COG5: variants seen among roughly 807,000 people sequenced by gnomAD.
COG5 encodes the protein component of oligomeric golgi complex 5.
In COG5, 86 loss-of-function variants were observed where a neutral mutation model predicts 110.4. The ratio of observed to expected loss-of-function variants is 0.78; its 90% CI spans 0.65 to 0.93. COG5 has a LOEUF of 0.93. Ranked by LOEUF, COG5 falls within the 40% of genes least tolerant of loss-of-function variation. The pLI, the probability that COG5 is intolerant of heterozygous loss-of-function variation, is 0.00. For synonymous variants in COG5, 360 were observed against 334.6 expected, an observed-to-expected ratio of 1.08 and a Z score of -0.83; for missense variants, 1,077 against 987.0, an observed-to-expected ratio of 1.09 and a Z score of -1.22.
At chr7:107,440,885 T>C (rs1794665213) in intron 6 of COG5, among the ~76,000 whole-genome samples, 1 of 152,152 alleles carries the variant, frequency 6.6e-6, no homozygotes, top group African/African-American at 2.4e-5. Flanking sequence ...TTGTATCCTT[T>C]ATTTTAAAAC....
chr7:107,507,874 C>G (rs112021638), intron 6 of COG5, among the ~76,000 whole-genome samples: 1 of 152,066 alleles, frequency 6.6e-6, no homozygotes, highest in Admixed American at 6.5e-5. Context: ...GCTTCTATGA[C>G]GTATTTGGTT....
At chr7:107,244,546 G>GA (rs1169959422) in intron 17 of COG5, among the ~76,000 whole-genome samples, 1 of 151,302 alleles carries the variant, frequency 6.6e-6, no homozygotes, top group Non-Finnish European at 1.5e-5. Context: ...TAGGCTTTTT[G>GA]AAAAAAATTA....
At chr7:107,375,083 T>A (rs1814514964) in intron 7 of COG5, among the ~76,000 whole-genome samples, 1 of 152,034 alleles carries the variant, frequency 6.6e-6, no homozygotes. Flanking sequence ...ACCAAAAATT[T>A]ATTCTGTTTT....
At chr7:107,377,832 G>A (rs1170286969) in intron 7 of COG5, among the ~76,000 whole-genome samples, 1 of 152,176 alleles carries the variant, frequency 6.6e-6, no homozygotes. Flanking sequence ...ATCTCCCTGG[G>A]ACAGAGCACC....
At chr7:107,330,212 A>T (rs1027584114) in intron 10 of COG5, among the ~76,000 whole-genome samples, 5 of 152,206 alleles carry the variant, frequency 3.3e-5, no homozygotes, top group African/African-American at 9.6e-5. Context: ...TATCTTTCTG[A>T]CCTTGTTTCT....
chr7:107,372,441 T>C (rs546473335), intron 8 of COG5, among the ~76,000 whole-genome samples, 154 bp downstream of exon 8: 1 of 152,312 alleles, frequency 6.6e-6, no homozygotes, highest in East Asian at 1.9e-4. Flanking sequence ...AAAAAAGATA[T>C]AAATAAATTC....
At chr7:107,433,435 C>T (rs867211494) in intron 6 of COG5, among the ~76,000 whole-genome samples, 19 of 152,254 alleles carry the variant, frequency 1.2e-4, no homozygotes, top group African/African-American at 3.4e-4. Context: ...AAACATATTA[C>T]AAAGCTACAA....
At chr7:107,337,654 T>G (rs1478808703) in intron 10 of COG5, among the ~76,000 whole-genome samples, 2 of 151,806 alleles carry the variant, frequency 1.3e-5, no homozygotes, top group Non-Finnish European at 2.9e-5. Context: ...AAGGGGTGTG[T>G]GTTTTGGGTG....
At chr7:107,205,381 T>C (rs1360440868) in intron 21 of COG5, among the ~76,000 whole-genome samples, 1 of 152,208 alleles carries the variant, frequency 6.6e-6, no homozygotes, top group Non-Finnish European at 1.5e-5. Context: ...GGGTTTTAGA[T>C]AGCTTGATGT....
chr7:107,347,624 G>T (rs1811739036), intron 10 of COG5, among the ~76,000 whole-genome samples: 1 of 152,024 alleles, frequency 6.6e-6, no homozygotes, highest in African/African-American at 2.4e-5. Context: ...TGTTTGAGAT[G>T]GATATGTGAA....
intron 21 of COG5, chr7:107,209,876 G>A (rs747615454): frequency 4.1e-6 from 4 of 985,786 alleles, no homozygotes; most frequent in African/African-American, 1.7e-5. Flanking sequence ...AGGTAAAAAT[G>A]GGAATGTTTG....
intron 6 of COG5, among the ~76,000 whole-genome samples, chr7:107,416,735 TAAGAC>T (rs1367029553): frequency 6.6e-6 from 1 of 152,132 alleles, no homozygotes; most frequent in Non-Finnish European, 1.5e-5. Flanking sequence ...ACATGGATAA[TAAGAC>T]AAATCAGTTA....
Position 107,554,324 on chromosome 7 carries a change from C to T in COG5, c.253G>A (p.Asp85Asn). 6.2e-7 allele frequency: 1 copy of T among 1,614,006 alleles called. No homozygotes were observed. Among genetic ancestry groups the T allele is most frequent in the Middle Eastern group, 1.6e-4 (1 of 6,062 alleles). The change falls in exon 3 of 22, where the codon GAT (aspartate) becomes AAT (asparagine). Residue 85 changes from aspartate (D) to asparagine (N), a missense_variant. Physicochemically the swap from Asp to Asn is conservative, Grantham distance 23. Coordinates refer to ENST00000297135, the MANE Select transcript of COG5 (RefSeq NM_006348.5). ...LHLQVVARHE[D>N]LLAQATGIES... ...ATCCCAGTTGCTTGTGCCAGTAAATCTTCATGTCTTGCAACAACCTGAAAA... is the reference window on the plus strand; with the variant it reads ...ATCCCAGTTGCTTGTGCCAGTAAATTTTCATGTCTTGCAACAACCTGAAAA...
intron 14 of COG5, among the ~76,000 whole-genome samples, chr7:107,276,019 C>T (rs898327808): frequency 6.6e-6 from 1 of 151,962 alleles, no homozygotes; most frequent in Non-Finnish European, 1.5e-5. Context: ...AACTATTGAC[C>T]TCATACATAG....
chr7:107,549,463 C>G (rs1221430323), intron 3 of COG5, among the ~76,000 whole-genome samples: 1 of 152,162 alleles, frequency 6.6e-6, no homozygotes, highest in Non-Finnish European at 1.5e-5. Flanking sequence ...TTGATCCCCC[C>G]TCACTGCATG....
chr7:107,239,016 T>A (rs1027794122), intron 17 of COG5, among the ~76,000 whole-genome samples: 4 of 152,318 alleles, frequency 2.6e-5, no homozygotes, highest in African/African-American at 9.6e-5. Context: ...TTTTGCTTTG[T>A]AGTCTGAGCT....
chr7:107,345,452 A>G (rs979607702), intron 10 of COG5, among the ~76,000 whole-genome samples: 1 of 152,230 alleles, frequency 6.6e-6, no homozygotes. Flanking sequence ...ATAGAGGTGA[A>G]GCACAACAAA....
intron 6 of COG5, among the ~76,000 whole-genome samples, chr7:107,430,405 G>C (rs1385411571): frequency 6.6e-6 from 1 of 152,100 alleles, no homozygotes; most frequent in Non-Finnish European, 1.5e-5. Context: ...ATAAATGTCA[G>C]AGTTTATTTC....
intron 6 of COG5, among the ~76,000 whole-genome samples, chr7:107,494,784 T>A (rs1041508495): frequency 1.1e-4 from 16 of 152,100 alleles, no homozygotes; most frequent in East Asian, 3.9e-4. Context: ...GAATTCCAAG[T>A]CTGGTCATTT....
Sources: allele counts gnomAD v4.1 joint callset (sites outside exome capture counted in the v4.1 genomes callset), GRCh38; gene constraint gnomAD v4.1.1; transcripts MANE v1.5; gene names NCBI Gene and HGNC (gene_info 2026-07-23, HGNC 2026-07-21).